OTUD7B: variants seen among roughly 807,000 people sequenced by gnomAD.
OTUD7B encodes the protein OTU deubiquitinase 7B, also known as OTU domain-containing protein 7B.
Under a neutral mutation model 82.2 loss-of-function variants are expected in OTUD7B, and 34 were observed. The ratio of observed to expected loss-of-function variants is 0.41; its 90% CI spans 0.31 to 0.55. The LOEUF is 0.55. Among genes scored for constraint, OTUD7B ranks in the 20% least tolerant of loss-of-function variants. The pLI, the probability that OTUD7B is intolerant of heterozygous loss-of-function variation, is 0.20. For missense variants in OTUD7B, 944 were observed against 1,062.1 expected (o/e 0.89, Z 1.55); for synonymous variants, 398 against 402.7 (o/e 0.99, Z 0.14).
At chr1:150,063,551 T>TA in the OTUD7B span, among the ~76,000 whole-genome samples, 1 of 152,204 alleles carries the variant, frequency 6.6e-6, no homozygotes, top group African/African-American at 2.4e-5. Flanking sequence ...TTATTTGTAA[T>TA]AAAAAGTATG....
At chr1:149,994,320 C>A (rs1020277913) in intron 1 of OTUD7B, among the ~76,000 whole-genome samples, 1 of 152,068 alleles carries the variant, frequency 6.6e-6, no homozygotes, top group African/African-American at 2.4e-5. Context: ...CAGTGGCTCA[C>A]GCCTATAATC....
At chr1:150,037,483 C>T in the OTUD7B span, among the ~76,000 whole-genome samples, 2 of 152,300 alleles carry the variant, frequency 1.3e-5, no homozygotes, top group African/African-American at 4.8e-5. Flanking sequence ...TTTCAAGCCT[C>T]TTCATATATT....
intron 7 of OTUD7B, among the ~76,000 whole-genome samples, chr1:149,957,989 G>A (rs1553774896): frequency 6.6e-6 from 1 of 152,212 alleles, no homozygotes; most frequent in Non-Finnish European, 1.5e-5. Flanking sequence ...CTTCCCAGGT[G>A]AGGCAATGCC....
chr1:150,003,266 A>AAG (rs1370443344), intron 1 of OTUD7B, among the ~76,000 whole-genome samples: 18 of 1,048 alleles, frequency 0.017, no homozygotes, highest in Non-Finnish European at 0.03. Flanking sequence ...AAAAAAAAAA[A>AAG]GATAAAAACT....
chr1:149,944,254 C>T lies in OTUD7B; in HGVS notation c.2135G>A (p.Arg712Gln), dbSNP rs935008075. ...SGGGVHCQEP[R>Q]RQLAGGPCVG... ...ACATGGACCCCCTGCCAACTGCCTC[C>T]GGGGTTCCTGGCAGTGGACTCCGCC... Residue 712 changes from arginine (R) to glutamine (Q), a missense_variant, in exon 12 of 12, where the codon CGG becomes CAG. Transcript: ENST00000581312. 4.3e-6 allele frequency: 7 copies of T among 1,611,672 alleles called. No homozygotes were observed. Among genetic ancestry groups the T allele is most frequent in the African/African-American group, 1.3e-5 (1 of 74,882 alleles).
At chr1:150,051,442 C>T in the OTUD7B span, among the ~76,000 whole-genome samples, 1 of 151,846 alleles carries the variant, frequency 6.6e-6, no homozygotes, top group Non-Finnish European at 1.5e-5. Flanking sequence ...CCATGTAAAA[C>T]TCTGTACTTT....
the OTUD7B span, among the ~76,000 whole-genome samples, chr1:150,033,771 G>A: frequency 6.6e-6 from 1 of 152,012 alleles, no homozygotes; most frequent in Non-Finnish European, 1.5e-5. Context: ...CACCAGACTG[G>A]AGTATAGTGG....
intron 7 of OTUD7B, among the ~76,000 whole-genome samples, chr1:149,959,024 T>A (rs1648937078): frequency 6.6e-6 from 1 of 151,560 alleles, no homozygotes; most frequent in Non-Finnish European, 1.5e-5. Context: ...GAGTTTGAGA[T>A]CACCCTGGCC....
the OTUD7B span, among the ~76,000 whole-genome samples, chr1:150,045,365 A>AT: frequency 2.0e-5 from 3 of 152,092 alleles, no homozygotes; most frequent in African/African-American, 2.4e-5. Flanking sequence ...AAATGCTGAG[A>AT]TTACAGGTGT....
chr1:149,980,548 C>T (rs1444204816), intron 1 of OTUD7B, among the ~76,000 whole-genome samples: 13 of 151,662 alleles, frequency 8.6e-5, no homozygotes, highest in Non-Finnish European at 1.9e-4. Context: ...TGGTGAAACC[C>T]TGTCTCTACT....
chr1:150,050,357 A>C, the OTUD7B span: 1 of 152,220 alleles, frequency 6.6e-6, no homozygotes, highest in Non-Finnish European at 1.5e-5. Flanking sequence ...TATGTCTTTG[A>C]GTTGTGAGAA....
chr1:149,951,001 T>TTTTTTTTTTG lies in OTUD7B; in HGVS notation c.846-781_846-780insCAAAAAAAAA, dbSNP rs1388877490. Among the ~76,000 whole-genome samples the TTTTTTTTTTG allele has an allele frequency of 5.6e-3, 357 of 63,440 alleles. 48 individuals carry two copies. The highest frequency in any genetic ancestry group is 0.012 in the East Asian group (22 of 1,900). The allele number at this position is 63,440 out of a possible 152,430, so 41.6% of individuals were successfully genotyped here. On this transcript the variant is annotated intron_variant, in intron 7 of 11. Transcript: ENST00000581312. ...TATTTTTTTTTTTTTTTTTTTTTTG[T>TTTTTTTTTTG]AGATGGAGTCTCACTCTTTCGCCCA...
At chr1:150,018,535 G>A in the OTUD7B span, among the ~76,000 whole-genome samples, 3 of 152,030 alleles carry the variant, frequency 2.0e-5, no homozygotes, top group Non-Finnish European at 4.4e-5. Context: ...CCCTCTATAT[G>A]AGCAAAAAAT....
rs781851174 is a variant in OTUD7B at position 149,964,267 on chromosome 1, C to T, written c.687G>A (p.Ala229=). 2.2e-5 allele frequency: 35 copies of T among 1,613,882 alleles called. No individual in the cohort carries two copies. The highest frequency in any genetic ancestry group is 9.9e-5 in the South Asian group (9 of 91,092). ...ALMEKGVEKE[A]LKRRWRWQQT... ...GCTGCCACCTCCAGCGCCTTTTCAA[C>T]GCTTCCTTCTCAACTCCCTTCTCCA... Residue 229 remains alanine (A), a synonymous_variant, in exon 6 of 12, where the codon GCG becomes GCA. Transcript: ENST00000581312.
In OTUD7B at chr1:149,942,192, CAA is replaced by C. The variant is rs1448566383; in HGVS notation, c.*1663_*1664del. The C allele has an allele frequency of 6.6e-6, 1 of 152,572 alleles. No individual in the cohort carries two copies. Among genetic ancestry groups the C allele is most frequent in the Non-Finnish European group, 1.5e-5 (1 of 68,040 alleles). The allele number at this position is 152,572 out of a possible 1,614,324, so 9.5% of individuals were successfully genotyped here. On this transcript the variant is annotated 3_prime_UTR_variant, in exon 12 of 12. Coordinates refer to ENST00000581312, the MANE Select transcript of OTUD7B (RefSeq NM_020205.4). ...AGGGATGGGTTATGAGTACATACCTCAAAAGAGAAATCCAAACACAGAAAAAC... is the reference window on the plus strand; with the variant it reads ...AGGGATGGGTTATGAGTACATACCTCAAGAGAAATCCAAACACAGAAAAAC...
intron 7 of OTUD7B, among the ~76,000 whole-genome samples, chr1:149,958,176 T>G (rs1192883234): frequency 6.6e-6 from 1 of 152,318 alleles, no homozygotes; most frequent in Non-Finnish European, 1.5e-5. Flanking sequence ...TGGTCAATCT[T>G]GTTTTACTAC....
At chr1:150,012,111 G>A (rs1490376664), upstream of OTUD7B, among the ~76,000 whole-genome samples, 1 of 152,176 alleles carries the variant, frequency 6.6e-6, no homozygotes. Context: ...TTTGGCGTGG[G>A]CTTCAAGCGT....
chr1:149,953,446 T>G (rs587696771), intron 7 of OTUD7B, among the ~76,000 whole-genome samples: 55 of 152,368 alleles, frequency 3.6e-4, no homozygotes, highest in African/African-American at 1.3e-3. Context: ...TTTTGGTTAC[T>G]GCAGCCTTGT....
intron 1 of OTUD7B, among the ~76,000 whole-genome samples, chr1:149,986,775 C>T (rs1325499768): frequency 6.6e-6 from 1 of 152,220 alleles, no homozygotes; most frequent in Admixed American, 6.5e-5. Flanking sequence ...GCACTTAGAA[C>T]TTTCACATAA....
Sources: gnomAD v4.1 joint callset for allele counts (sites outside exome capture counted in the v4.1 genomes callset) on GRCh38, gnomAD v4.1.1 for gene constraint, MANE v1.5 for transcripts, NCBI Gene and HGNC (gene_info 2026-07-23, HGNC 2026-07-21) for gene names.